TCAF1: variants seen among roughly 807,000 people sequenced by gnomAD.
TCAF1 encodes the protein TRPM8 channel associated factor 1.
TCAF1 carries 4 observed loss-of-function variants against 27.3 expected under a neutral mutation model. The ratio of observed to expected loss-of-function variants is 0.15; its 90% CI spans 0.07 to 0.34. The LOEUF (loss-of-function observed/expected upper bound fraction) is 0.34. TCAF1 is among the 10% of genes least tolerant of loss of function. The pLI is 1.00. For missense variants in TCAF1, 257 were observed against 425.8 expected (o/e 0.60, Z 3.49); for synonymous variants, 105 against 167.1 (o/e 0.63, Z 2.87).
At chr7:143,878,633 C>A (rs546572011) in intron 1 of TCAF1, among the ~76,000 whole-genome samples, 9 of 152,278 alleles carry the variant, frequency 5.9e-5, no homozygotes, top group Non-Finnish European at 1.2e-4. Context: ...GCATTAATGA[C>A]CTACCTACCT....
At chr7:143,860,002 A>ATATATATTATATAATATATATTATATAT (rs1491155083) in intron 6 of TCAF1, among the ~76,000 whole-genome samples, 2 of 4,656 alleles carry the variant, frequency 4.3e-4, no homozygotes, top group African/African-American at 8.5e-4. Context: ...ATATTATATA[A>ATATATATTATATAATATATATTATATAT]TATATATATA....
At chr7:143,885,682 T>C (rs1258501691) in intron 1 of TCAF1, 3 of 371,996 alleles carry the variant, frequency 8.1e-6, no homozygotes, top group Non-Finnish European at 1.1e-5. Context: ...ATATTGCCTC[T>C]ATCTATATAT....
chr7:143,881,131 G>A (rs1562965221), intron 1 of TCAF1, among the ~76,000 whole-genome samples: 3 of 152,214 alleles, frequency 2.0e-5, no homozygotes, highest in African/African-American at 7.2e-5. Flanking sequence ...GCGTGGAAGG[G>A]CAGGTGGATG....
At chr7:143,885,502 G>C in intron 1 of TCAF1, 6 of 985,428 alleles carry the variant, frequency 6.1e-6, no homozygotes, top group Non-Finnish European at 7.2e-6. Flanking sequence ...ATCCGGGATG[G>C]AGACCCAGAC....
In TCAF1 at chr7:143,876,417, A is replaced by G; in HGVS notation, c.192T>C (p.His64=). 2 of 1,613,090 alleles carry G rather than the reference A, an allele frequency of 1.2e-6. No individual in the cohort carries two copies. Among genetic ancestry groups the G allele is most frequent in the African/African-American group, 1.3e-5 (1 of 75,010 alleles). The change falls in exon 2 of 9, where the codon CAT becomes CAC. Residue 64 remains histidine (H), a synonymous_variant. Transcript: ENST00000479870. The stretch of plus-strand genomic sequence containing the variant: ...GCTGGGCTTCCACCAAGTAGTCCTC[A>G]TGGGACACGACCACCAGGCGGCCAC... ...YGRGRLVVVS[H]EDYLVEAQLT... is the part of the protein sequence containing the mutation.
At chr7:143,884,132 C>A (rs932828628) in intron 1 of TCAF1, among the ~76,000 whole-genome samples, 1 of 152,130 alleles carries the variant, frequency 6.6e-6, no homozygotes, top group African/African-American at 2.4e-5. Context: ...GTCTGGTATA[C>A]GGTAAGACTG....
intron 1 of TCAF1, among the ~76,000 whole-genome samples, chr7:143,901,531 T>C (rs1004154313): frequency 3.3e-5 from 5 of 151,970 alleles, no homozygotes; most frequent in African/African-American, 1.2e-4. Context: ...CCCAGGTCCC[T>C]TCCCCCACCA....
At chr7:143,878,054 C>A (rs1417370744) in intron 1 of TCAF1, among the ~76,000 whole-genome samples, 1 of 152,178 alleles carries the variant, frequency 6.6e-6, no homozygotes, top group Non-Finnish European at 1.5e-5. Flanking sequence ...ACGCGGACAA[C>A]ACATCTCAGA....
At chr7:143,892,957 C>T (rs564591551) in intron 1 of TCAF1, among the ~76,000 whole-genome samples, 145 of 152,172 alleles carry the variant, frequency 9.5e-4, no homozygotes, top group African/African-American at 3.4e-3. Context: ...ATTTGTGTCA[C>T]AGCAGCCCAA....
intron 1 of TCAF1, among the ~76,000 whole-genome samples, chr7:143,886,241 C>T (rs939136044): frequency 1.3e-5 from 2 of 152,192 alleles, no homozygotes; most frequent in African/African-American, 2.4e-5. Flanking sequence ...TCACCCCTCA[C>T]TGCCCTGGCC....
intron 1 of TCAF1, chr7:143,882,661 C>G (rs556544398): frequency 7.9e-4 from 778 of 985,286 alleles, no homozygotes; most frequent in African/African-American, 4.6e-3. Context: ...GCCCTCCCCC[C>G]CGCAGCACCC....
At chr7:143,882,984 T>A in intron 1 of TCAF1, 1 of 595,630 alleles carries the variant, frequency 1.7e-6, no homozygotes, top group Non-Finnish European at 2.1e-6. Flanking sequence ...CTTCTTTGTG[T>A]CGCCGGCCCT....
At chr7:143,859,956 C>T (rs190088455) in intron 6 of TCAF1, among the ~76,000 whole-genome samples, 37,009 of 41,734 alleles carry the variant, frequency 0.89, 16,490 homozygotes, top group East Asian at 0.97. Flanking sequence ...ATATATATTA[C>T]GGAATATATA....
intron 1 of TCAF1, among the ~76,000 whole-genome samples, chr7:143,889,903 G>A (rs1179519797): frequency 1.3e-5 from 2 of 152,160 alleles, no homozygotes; most frequent in African/African-American, 4.8e-5. Context: ...AGTTTCAATG[G>A]GGAATCATTA....
chr7:143,883,500 C>CTTTTTTTTTTTTTTTTTTTTTTTT (rs374825743), intron 1 of TCAF1, among the ~76,000 whole-genome samples: 2 of 98,092 alleles, frequency 2.0e-5, no homozygotes, highest in African/African-American at 8.5e-5. Context: ...TTTCCTTTTT[C>CTTTTTTTTTTTTTTTTTTTTTTTT]TTTTTTTTTT....
chr7:143,859,884 T>TTTCCTTCCC (rs1811796854), intron 6 of TCAF1, among the ~76,000 whole-genome samples: 1 of 80,156 alleles, frequency 1.2e-5, no homozygotes, highest in African/African-American at 5.6e-5. Flanking sequence ...TATATACATA[T>TTTCCTTCCC]ATATAATATA....
intron 1 of TCAF1, among the ~76,000 whole-genome samples, chr7:143,883,319 T>C (rs570965616): frequency 6.6e-6 from 1 of 152,264 alleles, no homozygotes; most frequent in East Asian, 1.9e-4. Flanking sequence ...GCTACATTTC[T>C]ACCCATTAAT....
At chr7:143,881,876 A>C (rs1469867350) in intron 1 of TCAF1, 1 of 152,142 alleles carries the variant, frequency 6.6e-6, no homozygotes, top group Non-Finnish European at 1.5e-5. Context: ...AGGATGACAT[A>C]ATTGAGGAGC....
At position 143,876,588 on chromosome 7, in the gene TCAF1, G is replaced by A; in HGVS notation, c.21C>T (p.Ala7=). The change falls in exon 2 of 9, where the codon GCC becomes GCT. Residue 7 remains alanine (A), a synonymous_variant. Coordinates refer to ENST00000479870, the MANE Select transcript of TCAF1 (RefSeq NM_014719.3). ...TCACACCATTCATAAGGGCCTCGAA[G>A]GCAGCAGAGGGAGTCGCCATGGCTC... MATPSA[A]FEALMNGVTS... is the part of the protein sequence containing the mutation. 1.3e-6 allele frequency: 2 copies of A among 1,511,910 alleles called. No homozygotes were observed. Among genetic ancestry groups the A allele is most frequent in the South Asian group, 2.8e-5 (2 of 70,422 alleles). The allele number at this position is 1,511,910 out of a possible 1,614,324, so 93.7% of individuals were successfully genotyped here.
Sources: allele counts gnomAD v4.1 joint callset (sites outside exome capture counted in the v4.1 genomes callset), GRCh38; gene constraint gnomAD v4.1.1; transcripts MANE v1.5; gene names NCBI Gene and HGNC (gene_info 2026-07-23, HGNC 2026-07-21).